MIPOL1: variants seen among roughly 807,000 people sequenced by gnomAD.
MIPOL1 encodes mirror-image polydactyly gene 1 protein.
MIPOL1 carries 57 observed loss-of-function variants against 60.9 expected under a neutral mutation model. That is an observed-to-expected ratio of 0.94 (90% CI 0.76 to 1.17). The LOEUF (loss-of-function observed/expected upper bound fraction) is 1.17, where lower values mean the gene tolerates loss of function less well. Ranked by LOEUF, MIPOL1 falls within the 50% of genes most tolerant of loss-of-function variation. The probability of loss-of-function intolerance (pLI) is 0.00; values close to 1 mark genes in which losing one functional copy is unlikely to be tolerated. For missense variants in MIPOL1, 551 were observed against 511.6 expected (o/e 1.08, Z -0.74); for synonymous variants, 179 against 168.8 (o/e 1.06, Z -0.47).
chr14:37,399,822 GGTT>G (rs1428841565), intron 10 of MIPOL1: 3 of 152,058 alleles, frequency 2.0e-5, no homozygotes, highest in Non-Finnish European at 4.4e-5. Flanking sequence ...CACCAGTATT[GGTT>G]TTAGCTCTAT....
At chr14:37,356,223 G>T (rs1050014189) in intron 9 of MIPOL1, among the ~76,000 whole-genome samples, 6 of 151,884 alleles carry the variant, frequency 4.0e-5, no homozygotes, top group Non-Finnish European at 1.5e-5. Flanking sequence ...CTTCTCGGGG[G>T]TCAGGGGTCA....
intron 3 of MIPOL1, among the ~76,000 whole-genome samples, chr14:37,262,678 A>G (rs893192839): frequency 1.3e-5 from 2 of 152,160 alleles, no homozygotes; most frequent in Non-Finnish European, 2.9e-5. Flanking sequence ...TCATCTTAAG[A>G]GGCAGGCGAT....
At chr14:37,363,468 A>G (rs2092357818) in intron 9 of MIPOL1, among the ~76,000 whole-genome samples, 1 of 152,198 alleles carries the variant, frequency 6.6e-6, no homozygotes, top group Admixed American at 6.5e-5. Flanking sequence ...ATATTGCAGA[A>G]CAGCAAATAT....
intron 1 of MIPOL1, among the ~76,000 whole-genome samples, chr14:37,211,501 C>T (rs1966843197): frequency 6.6e-6 from 1 of 152,076 alleles, no homozygotes; most frequent in African/African-American, 2.4e-5. Context: ...TGATGCCCAC[C>T]CACGGAGGGA....
intron 11 of MIPOL1, among the ~76,000 whole-genome samples, chr14:37,426,267 A>G (rs2093957630): frequency 6.6e-6 from 1 of 151,852 alleles, no homozygotes; most frequent in African/African-American, 2.4e-5. Context: ...TGAGGCCACA[A>G]TTAGTATTAA....
At chr14:37,292,011 C>T (rs946051541) in intron 7 of MIPOL1, among the ~76,000 whole-genome samples, 1 of 149,900 alleles carries the variant, frequency 6.7e-6, no homozygotes, top group Non-Finnish European at 1.5e-5. Context: ...CTGCAAGCTC[C>T]ACCTCCCGGG....
intron 12 of MIPOL1, among the ~76,000 whole-genome samples, chr14:37,515,828 G>A (rs2095365103): frequency 6.6e-6 from 1 of 152,182 alleles, no homozygotes. Context: ...ACAGAGAACT[G>A]ATCAGATACA....
intron 11 of MIPOL1, among the ~76,000 whole-genome samples, chr14:37,446,517 G>A (rs1192072483): frequency 6.6e-6 from 1 of 151,876 alleles, no homozygotes; most frequent in Non-Finnish European, 1.5e-5. Context: ...TCAGTGTGGC[G>A]ATTCCTCAGG....
chr14:37,247,494 A>G (rs1973368511), intron 2 of MIPOL1, among the ~76,000 whole-genome samples: 1 of 152,036 alleles, frequency 6.6e-6, no homozygotes, highest in Non-Finnish European at 1.5e-5. Context: ...AAAATTTATG[A>G]CAAATAAAGT....
chr14:37,498,188 G>A (rs1236577268), intron 11 of MIPOL1, among the ~76,000 whole-genome samples: 1 of 152,046 alleles, frequency 6.6e-6, no homozygotes, highest in African/African-American at 2.4e-5. Flanking sequence ...CTTACCTTTT[G>A]GGGAGGGGAA....
At chr14:37,200,902 T>A (rs79487400) in intron 1 of MIPOL1, among the ~76,000 whole-genome samples, 997 of 37,912 alleles carry the variant, frequency 0.026, 39 homozygotes, top group African/African-American at 0.091. Context: ...GTGTGTGTAT[T>A]TTTTTTTTTT....
intron 1 of MIPOL1, among the ~76,000 whole-genome samples, chr14:37,200,556 T>A (rs1965069568): frequency 6.6e-6 from 1 of 152,182 alleles, no homozygotes; most frequent in Non-Finnish European, 1.5e-5. Flanking sequence ...GGTTTCTGAT[T>A]GATTAAACTC....
intron 10 of MIPOL1, among the ~76,000 whole-genome samples, chr14:37,375,797 G>C (rs1334064028): frequency 6.6e-6 from 1 of 151,006 alleles, no homozygotes; most frequent in Non-Finnish European, 1.5e-5. Context: ...ATGTTACCCA[G>C]GCTGATCTCA....
At chr14:37,515,650 T>C (rs951068575) in intron 12 of MIPOL1, among the ~76,000 whole-genome samples, 1 of 152,192 alleles carries the variant, frequency 6.6e-6, no homozygotes, top group Non-Finnish European at 1.5e-5. Flanking sequence ...TAAGTTAAAC[T>C]AATCTGCCTT....
intron 10 of MIPOL1, among the ~76,000 whole-genome samples, chr14:37,389,307 A>G (rs1174938702): frequency 6.6e-6 from 1 of 152,146 alleles, no homozygotes; most frequent in Non-Finnish European, 1.5e-5. Flanking sequence ...GCTGGCATGT[A>G]GTAAAACACA....
intron 11 of MIPOL1, among the ~76,000 whole-genome samples, chr14:37,459,278 T>C (rs1053828115): frequency 6.6e-6 from 1 of 152,020 alleles, no homozygotes; most frequent in East Asian, 1.9e-4. Context: ...CTAGCTAGAA[T>C]AACCAATAAC....
intron 12 of MIPOL1, among the ~76,000 whole-genome samples, chr14:37,531,366 T>C (rs935248966): frequency 6.6e-6 from 1 of 152,134 alleles, no homozygotes; most frequent in Non-Finnish European, 1.5e-5. Flanking sequence ...CCAAGTTCAA[T>C]TTCCTTGAAG....
intron 11 of MIPOL1, among the ~76,000 whole-genome samples, chr14:37,488,736 T>C (rs1310683828): frequency 6.6e-6 from 1 of 152,190 alleles, no homozygotes; most frequent in East Asian, 1.9e-4. Flanking sequence ...GGTTGAAAAT[T>C]CTTTTCTTTA....
At chr14:37,533,821 A>G (rs1807400098) in intron 12 of MIPOL1, among the ~76,000 whole-genome samples, 1 of 152,300 alleles carries the variant, frequency 6.6e-6, no homozygotes, top group South Asian at 2.1e-4. Context: ...TCCACATTCA[A>G]GGCAACTTCA....
Sources: gnomAD v4.1 joint callset for allele counts (sites outside exome capture counted in the v4.1 genomes callset) on GRCh38, gnomAD v4.1.1 for gene constraint, MANE v1.5 for transcripts, NCBI Gene and HGNC (gene_info 2026-07-23, HGNC 2026-07-21) for gene names.